The following SHISA9 variants were observed in gnomAD, a reference collection of about 807,000 sequenced individuals.
SHISA9 encodes the protein shisa family member 9, also known as protein shisa-9.
SHISA9 carries 13 observed loss-of-function variants against 38.0 expected under a neutral mutation model. The observed-to-expected ratio is 0.34, with a 90% CI of 0.22 to 0.54. SHISA9 has a LOEUF of 0.54. Ranked by LOEUF, SHISA9 falls within the 20% of genes least tolerant of loss-of-function variation. The probability of loss-of-function intolerance (pLI) is 0.91; values close to 1 mark genes in which losing one functional copy is unlikely to be tolerated. For synonymous variants in SHISA9, 275 were observed against 242.0 expected (o/e 1.14, Z -1.27); for missense variants, 538 against 575.8 (o/e 0.93, Z 0.67).
At chr16:13,301,505 A>G in the SHISA9 span, among the ~76,000 whole-genome samples, 1 of 152,214 alleles carries the variant, frequency 6.6e-6, no homozygotes, top group Non-Finnish European at 1.5e-5. Flanking sequence ...GGTGCACAAA[A>G]AGACATTTGG....
chr16:13,147,270 G>T (rs1195291337), intron 2 of SHISA9, among the ~76,000 whole-genome samples: 3 of 152,060 alleles, frequency 2.0e-5, no homozygotes, highest in African/African-American at 7.2e-5. Flanking sequence ...CTATCTAAGG[G>T]CTGTGGGGAG....
At chr16:13,331,828 A>G in the SHISA9 span, 1 of 152,202 alleles carries the variant, frequency 6.6e-6, no homozygotes, top group African/African-American at 2.4e-5. Context: ...AGTGGAAACC[A>G]TAATAATACT....
At chr16:13,221,382 C>T (rs1325231973) in intron 4 of SHISA9, among the ~76,000 whole-genome samples, 1 of 151,062 alleles carries the variant, frequency 6.6e-6, no homozygotes, top group East Asian at 1.9e-4. Context: ...GAGACAGCCT[C>T]TGGAATCTGC....
At chr16:13,263,587 C>T in the SHISA9 span, among the ~76,000 whole-genome samples, 1 of 152,186 alleles carries the variant, frequency 6.6e-6, no homozygotes, top group East Asian at 1.9e-4. Context: ...ACTATGCTTC[C>T]TGTACAGCCT....
At chr16:13,355,839 T>TAAA in the SHISA9 span, among the ~76,000 whole-genome samples, 1 of 152,216 alleles carries the variant, frequency 6.6e-6, no homozygotes, top group South Asian at 2.1e-4. Context: ...CTTCAGCCGC[T>TAAA]AAGCCGAGAA....
At chr16:13,471,411 A>C in the SHISA9 span, among the ~76,000 whole-genome samples, 1 of 152,332 alleles carries the variant, frequency 6.6e-6, no homozygotes, top group Admixed American at 6.5e-5. Context: ...GTTTTAAATT[A>C]TTCGAGTTTT....
chr16:13,539,074 A>G, the SHISA9 span, among the ~76,000 whole-genome samples: 1 of 151,932 alleles, frequency 6.6e-6, no homozygotes, highest in African/African-American at 2.4e-5. Context: ...CTTTGGCATC[A>G]TGATGAGGGT....
chr16:13,144,692 G>A (rs1461401522), intron 2 of SHISA9, among the ~76,000 whole-genome samples: 1 of 152,176 alleles, frequency 6.6e-6, no homozygotes, highest in Non-Finnish European at 1.5e-5. Context: ...TTTAATGGAA[G>A]CTAAAGTTTT....
At position 13,203,843 on chromosome 16, in the gene SHISA9, T is replaced by C. The variant is rs148982020; in HGVS notation, c.847+294T>C. Among the ~76,000 whole-genome samples the C allele has an allele frequency of 8.8e-3, 1,347 of 152,250 alleles. 10 individuals are homozygous for C. Among genetic ancestry groups the C allele is most frequent in the African/African-American group, 0.025 (1,048 of 41,538 alleles). On this transcript the variant is annotated intron_variant, in intron 3 of 4. Transcript: ENST00000558583. Reference sequence around the variant, plus strand: ...ACTTATCCATCTACCTACCTACATATGTATTATCTATCTGTCTGTCCATCC... The same window carrying C: ...ACTTATCCATCTACCTACCTACATACGTATTATCTATCTGTCTGTCCATCC...
At chr16:13,373,828 A>G in the SHISA9 span, among the ~76,000 whole-genome samples, 1 of 152,022 alleles carries the variant, frequency 6.6e-6, no homozygotes. Flanking sequence ...TGTGAATTAA[A>G]TGAGGTAATG....
the SHISA9 span, among the ~76,000 whole-genome samples, chr16:13,477,897 G>A: frequency 3.3e-5 from 5 of 152,150 alleles, no homozygotes; most frequent in African/African-American, 1.2e-4. Flanking sequence ...CCCGGGAGGT[G>A]GAGGTTGCAG....
At chr16:13,200,268 TTTCTTTA>T (rs1242572881) in intron 2 of SHISA9, among the ~76,000 whole-genome samples, 1 of 152,130 alleles carries the variant, frequency 6.6e-6, no homozygotes, top group Admixed American at 6.6e-5. Context: ...CTTTGGTATG[TTTCTTTA>T]TCCTTTATCG....
the SHISA9 span, among the ~76,000 whole-genome samples, chr16:13,314,814 A>G: frequency 6.6e-6 from 1 of 152,220 alleles, no homozygotes; most frequent in Non-Finnish European, 1.5e-5. Context: ...GGTGATTAGC[A>G]GGGCCTAGAG....
At chr16:13,543,643 G>A in the SHISA9 span, among the ~76,000 whole-genome samples, 60 of 152,196 alleles carry the variant, frequency 3.9e-4, no homozygotes, top group African/African-American at 1.4e-3. Flanking sequence ...TTCATGCACA[G>A]AGTCCGTGAC....
chr16:12,925,517 T>C (rs1417963459), intron 2 of SHISA9, among the ~76,000 whole-genome samples: 2 of 151,526 alleles, frequency 1.3e-5, no homozygotes, highest in East Asian at 3.9e-4. Flanking sequence ...AAAAATCACT[T>C]TCTGTAAGTT....
chr16:13,494,702 T>C, the SHISA9 span, among the ~76,000 whole-genome samples: 2 of 152,138 alleles, frequency 1.3e-5, no homozygotes, highest in African/African-American at 2.4e-5. Context: ...TTATAAACCA[T>C]GTTTTCAGAA....
chr16:13,347,779 C>G, the SHISA9 span, among the ~76,000 whole-genome samples: 1 of 152,102 alleles, frequency 6.6e-6, no homozygotes, highest in Non-Finnish European at 1.5e-5. Flanking sequence ...TTAAGATGTA[C>G]TATTGTTGCC....
the SHISA9 span, among the ~76,000 whole-genome samples, chr16:13,321,269 C>T: frequency 6.6e-6 from 1 of 152,182 alleles, no homozygotes; most frequent in Non-Finnish European, 1.5e-5. Context: ...GAGATCATGT[C>T]CCAGTATGAC....
At chr16:12,908,538 C>T (rs1596522546) in intron 1 of SHISA9, 1 of 1,551,982 alleles carries the variant, frequency 6.4e-7, no homozygotes, top group Non-Finnish European at 8.7e-7. Context: ...GACGAACCTG[C>T]CCCTGGAGAG....
Sources: gnomAD v4.1 joint callset for allele counts (sites outside exome capture counted in the v4.1 genomes callset) on GRCh38, gnomAD v4.1.1 for gene constraint, MANE v1.5 for transcripts, NCBI Gene and HGNC (gene_info 2026-07-23, HGNC 2026-07-21) for gene names.